The following WDR27 variants were observed in gnomAD, a reference collection of about 807,000 sequenced individuals.
WDR27 encodes WD repeat domain 27.
A neutral mutation model predicts 114.4 loss-of-function variants in WDR27; 100 were observed. The observed-to-expected ratio is 0.87, with a 90% confidence interval of 0.74 to 1.03. WDR27 has a LOEUF of 1.03. WDR27 is among the 50% of genes least tolerant of loss of function. WDR27 has a pLI of 0.00. For synonymous variants in WDR27, 449 were observed against 423.1 expected (o/e 1.06, Z -0.75); for missense variants, 1,129 against 1,092.9 (o/e 1.03, Z -0.47).
intron 21 of WDR27, among the ~76,000 whole-genome samples, chr6:169,630,691 C>T (rs1429392810): frequency 1.3e-5 from 2 of 152,030 alleles, no homozygotes; most frequent in African/African-American, 2.4e-5. Context: ...GTCAGGAGTT[C>T]GAGACTAGCC....
At chr6:169,552,079 C>A (rs1412038206) in intron 25 of WDR27, among the ~76,000 whole-genome samples, 1 of 152,162 alleles carries the variant, frequency 6.6e-6, no homozygotes, top group African/African-American at 2.4e-5. Flanking sequence ...CCCCCAGTCA[C>A]TCAGGAGGTC....
chr6:169,677,492 T>C (rs1780366237), intron 2 of WDR27, among the ~76,000 whole-genome samples: 1 of 152,162 alleles, frequency 6.6e-6, no homozygotes, highest in Non-Finnish European at 1.5e-5. Flanking sequence ...TTGGAATTTA[T>C]ATTTAAAAGG....
At chr6:169,651,367 GA>G (rs1177567196) in intron 14 of WDR27, among the ~76,000 whole-genome samples, 2 of 152,052 alleles carry the variant, frequency 1.3e-5, no homozygotes, top group Non-Finnish European at 2.9e-5. Context: ...GGAGGCGGGG[GA>G]TATGTCTGCA....
chr6:169,604,209 C>T (rs1167915851), intron 22 of WDR27, among the ~76,000 whole-genome samples: 1 of 152,062 alleles, frequency 6.6e-6, no homozygotes, highest in Non-Finnish European at 1.5e-5. Flanking sequence ...TGATAAACCA[C>T]TTGTAGACTA....
intron 23 of WDR27, among the ~76,000 whole-genome samples, chr6:169,584,823 T>C (rs1229431089): frequency 1.3e-5 from 2 of 152,208 alleles, no homozygotes; most frequent in Non-Finnish European, 2.9e-5. Context: ...ATCAGGTATG[T>C]GGTTTGCAAA....
intron 25 of WDR27, among the ~76,000 whole-genome samples, chr6:169,491,216 T>C (rs2115434845): frequency 6.6e-6 from 1 of 152,156 alleles, no homozygotes; most frequent in Non-Finnish European, 1.5e-5. Context: ...AAAAAGAAAA[T>C]ATGGCTATTT....
chr6:169,480,344 G>A (rs573353496), intron 25 of WDR27, among the ~76,000 whole-genome samples: 3 of 152,274 alleles, frequency 2.0e-5, no homozygotes, highest in East Asian at 3.9e-4. Flanking sequence ...GAGCTCCCAC[G>A]TGGCCCGAGC....
At chr6:169,561,115 T>A (rs899689553) in intron 25 of WDR27, among the ~76,000 whole-genome samples, 1 of 152,156 alleles carries the variant, frequency 6.6e-6, no homozygotes, top group Non-Finnish European at 1.5e-5. Context: ...CAGACAGTTA[T>A]CTCTCACCGT....
At chr6:169,669,029 C>T (rs1828662334) in intron 4 of WDR27, among the ~76,000 whole-genome samples, 2 of 152,186 alleles carry the variant, frequency 1.3e-5, no homozygotes, top group African/African-American at 4.8e-5. Flanking sequence ...ATGAAATATA[C>T]ATTTCCATTT....
chr6:169,469,416 A>T (rs951844978), intron 25 of WDR27, among the ~76,000 whole-genome samples: 6 of 152,190 alleles, frequency 3.9e-5, no homozygotes, highest in Admixed American at 1.3e-4. Context: ...AACTCCATTT[A>T]ATTTTAAGGT....
At chr6:169,510,516 C>G (rs1215626672) in intron 25 of WDR27, among the ~76,000 whole-genome samples, 1 of 151,298 alleles carries the variant, frequency 6.6e-6, no homozygotes, top group Non-Finnish European at 1.5e-5. Flanking sequence ...TCATTCTCAG[C>G]AAACTATCGC....
chr6:169,485,005 T>C (rs1243489016), intron 25 of WDR27, among the ~76,000 whole-genome samples: 1 of 152,120 alleles, frequency 6.6e-6, no homozygotes, highest in Non-Finnish European at 1.5e-5. Context: ...CCTTTAGCCA[T>C]ATACAAACAT....
intron 25 of WDR27, among the ~76,000 whole-genome samples, chr6:169,458,959 C>CA (rs1244837677): frequency 1.3e-5 from 2 of 151,400 alleles, no homozygotes; most frequent in Admixed American, 6.6e-5. Context: ...AAAACAATGA[C>CA]AAAAAAAATC....
At chr6:169,469,296 A>T (rs537409764) in intron 25 of WDR27, among the ~76,000 whole-genome samples, 86 of 152,346 alleles carry the variant, frequency 5.6e-4, no homozygotes, top group Middle Eastern at 3.4e-3. Flanking sequence ...TATTTTTCCA[A>T]ATTACAATGG....
the WDR27 span, among the ~76,000 whole-genome samples, chr6:169,428,608 A>AGGGG: frequency 8.7e-6 from 1 of 114,470 alleles, no homozygotes; most frequent in Non-Finnish European, 1.8e-5. Context: ...GGCGGGGGGG[A>AGGGG]GGGGGGGGTT....
At position 169,619,449 on chromosome 6, in the gene WDR27, G is replaced by A. The variant is rs545567865; in HGVS notation, c.2224-5793C>T. Reference sequence around the variant, plus strand: ...GGCCAAATATGAGTGACCACGGCCCGTGACACAGCCCTCAGGAGGTCCTCA... The same window carrying A: ...GGCCAAATATGAGTGACCACGGCCCATGACACAGCCCTCAGGAGGTCCTCA... On this transcript the variant is annotated intron_variant, in intron 21 of 25. Coordinates refer to ENST00000448612, the MANE Select transcript of WDR27 (RefSeq NM_182552.5). 1.1e-4 allele frequency among the ~76,000 whole-genome samples: 17 copies of A among 152,310 alleles called. 1 individual carries two copies. Among genetic ancestry groups the A allele is most frequent in the South Asian group, 4.1e-4 (2 of 4,822 alleles).
At chr6:169,432,114 CACAA>C in the WDR27 span, among the ~76,000 whole-genome samples, 1 of 152,210 alleles carries the variant, frequency 6.6e-6, no homozygotes. Context: ...CAGTCACACA[CACAA>C]ACATTTTTAG....
rs73789989 is a variant in WDR27, at chr6:169,516,167, C to A, written c.2645+56252G>T. On this transcript the variant is annotated intron_variant, in intron 25 of 25. Transcript: ENST00000448612. Reference sequence around the variant, plus strand: ...ACTCTGAAAATTCACCAAAGGGCTGCAACAACTGGAAGAGCCCTTACTCAA... The same window carrying A: ...ACTCTGAAAATTCACCAAAGGGCTGAAACAACTGGAAGAGCCCTTACTCAA... 5.9e-3 allele frequency among the ~76,000 whole-genome samples: 904 copies of A among 152,280 alleles called. 12 individuals carry two copies. The highest frequency in any genetic ancestry group is 0.021 in the African/African-American group (870 of 41,580).
intron 25 of WDR27, among the ~76,000 whole-genome samples, chr6:169,540,534 A>T (rs1796713112): frequency 6.6e-6 from 1 of 151,738 alleles, no homozygotes; most frequent in Non-Finnish European, 1.5e-5. Flanking sequence ...AGTTCAAGCA[A>T]TTCTCCTGCC....
Sources: allele counts gnomAD v4.1 joint callset (sites outside exome capture counted in the v4.1 genomes callset), GRCh38; gene constraint gnomAD v4.1.1; transcripts MANE v1.5; gene names NCBI Gene and HGNC (gene_info 2026-07-23, HGNC 2026-07-21).